KDM4C: variants seen among roughly 807,000 people sequenced by gnomAD.
KDM4C encodes the protein lysine-specific demethylase 4C.
In KDM4C, 81 loss-of-function variants were observed where a neutral mutation model predicts 129.3. The ratio of observed to expected loss-of-function variants is 0.63; its 90% CI spans 0.52 to 0.75. KDM4C has a LOEUF of 0.75. Among genes scored for constraint, KDM4C ranks in the 30% least tolerant of loss-of-function variants. The pLI, the probability that KDM4C is intolerant of heterozygous loss-of-function variation, is 0.00. For synonymous variants in KDM4C, 573 were observed against 456.1 expected, an observed-to-expected ratio of 1.26 and a Z score of -3.26; for missense variants, 1,457 against 1,304.0, an observed-to-expected ratio of 1.12 and a Z score of -1.81.
At chr9:7,148,570 C>T (rs906630833) in intron 19 of KDM4C, among the ~76,000 whole-genome samples, 10 of 152,350 alleles carry the variant, frequency 6.6e-5, no homozygotes, top group Admixed American at 2.6e-4. Flanking sequence ...GAGTGTATCA[C>T]TGCCTACAGC....
intron 19 of KDM4C, among the ~76,000 whole-genome samples, chr9:7,155,465 G>A (rs1018894085): frequency 2.6e-5 from 4 of 151,920 alleles, no homozygotes; most frequent in Non-Finnish European, 4.4e-5. Flanking sequence ...CCATCAACTC[G>A]TCATTTACAT....
rs184845075 is a variant in KDM4C, at chr9:6,921,044, G to A, written c.921+27812G>A. ...ATCGGCTTTTCTCCTTGCTTTCTGA[G>A]ATGGTACACATTTCTTGTTTCCGTC... On this transcript the variant is annotated intron_variant, in intron 8 of 21. Transcript: ENST00000381309. 1.2e-3 allele frequency among the ~76,000 whole-genome samples: 187 copies of A among 151,836 alleles called. 1 individual carries two copies. Among genetic ancestry groups the A allele is most frequent in the African/African-American group, 3.4e-3 (140 of 41,404 alleles).
intron 4 of KDM4C, among the ~76,000 whole-genome samples, chr9:6,825,361 A>C (rs1333109808): frequency 6.6e-6 from 1 of 152,204 alleles, no homozygotes; most frequent in African/African-American, 2.4e-5. Flanking sequence ...TGGTCCTCGG[A>C]AAACACCTTG....
intron 8 of KDM4C, among the ~76,000 whole-genome samples, chr9:6,908,948 G>T (rs1280355041): frequency 1.3e-5 from 2 of 152,080 alleles, no homozygotes; most frequent in Non-Finnish European, 2.9e-5. Context: ...TTTCTACGAG[G>T]TATTGATATT....
At position 6,835,263 on chromosome 9, in the gene KDM4C, C is replaced by T. The variant is rs1588595783; in HGVS notation, c.436-14244C>T. ...AGCTTTCCTTCCTGGGCATGGAATC[C>T]TGTGGCATCCATGAAACTACCTTGA... On this transcript the variant is annotated intron_variant, in intron 4 of 21. Transcript: ENST00000381309. The T allele has an allele frequency of 7.7e-6, 7 of 910,764 alleles. No individual in the cohort carries two copies. In the East Asian group the frequency reaches 1.2e-4, roughly 16 times the overall value. 56.4% of individuals were successfully genotyped at this position (910,764 alleles called of 1,614,324 possible).
At chr9:7,062,307 T>C (rs1831810429) in intron 17 of KDM4C, among the ~76,000 whole-genome samples, 1 of 152,066 alleles carries the variant, frequency 6.6e-6, no homozygotes, top group African/African-American at 2.4e-5. Context: ...GGATGCAGCT[T>C]TCTCAGTTTT....
rs1826180618 is a variant in KDM4C at position 7,028,530 on chromosome 9, A to T, written c.2259+12601A>T. ...CAGAAGGAAGGGATCTCTTTAATTGAGCTCTGCTGCCTGAAATTGAGGTCG... is the reference window on the plus strand; with the variant it reads ...CAGAAGGAAGGGATCTCTTTAATTGTGCTCTGCTGCCTGAAATTGAGGTCG... On this transcript the variant is annotated intron_variant, in intron 15 of 21. Coordinates refer to ENST00000381309, the MANE Select transcript of KDM4C (RefSeq NM_015061.6). Among the ~76,000 whole-genome samples the T allele has an allele frequency of 2.0e-5, 3 of 151,430 alleles. No individual in the cohort carries two copies. The South Asian group carries it at 6.2e-4, about 32-fold the overall frequency.
chr9:6,799,258 A>G (rs898395279), intron 2 of KDM4C, among the ~76,000 whole-genome samples: 1 of 152,148 alleles, frequency 6.6e-6, no homozygotes, highest in African/African-American at 2.4e-5. Context: ...ACGCCACTGC[A>G]CTCCAGCCTG....
At chr9:6,857,791 G>A (rs915280943) in intron 5 of KDM4C, among the ~76,000 whole-genome samples, 2 of 146,212 alleles carry the variant, frequency 1.4e-5, no homozygotes, top group African/African-American at 2.5e-5. Context: ...GTCTCGCTCT[G>A]TTGCTCAGAT....
chr9:6,771,080 CTTTTTTTTTTT>C (rs35945405), intron 1 of KDM4C, among the ~76,000 whole-genome samples: 41 of 56,972 alleles, frequency 7.2e-4, no homozygotes, highest in African/African-American at 1.4e-3. Context: ...GACTGTGAAT[CTTTTTTTTTTT>C]TTTTTTTTTT....
chr9:6,781,173 G>A (rs1007171727), intron 1 of KDM4C, among the ~76,000 whole-genome samples: 17 of 152,110 alleles, frequency 1.1e-4, no homozygotes, highest in African/African-American at 4.1e-4. Flanking sequence ...GCTTCTTTGG[G>A]GCAGGGGATT....
chr9:6,824,644 A>AC (rs1279275936), intron 4 of KDM4C, among the ~76,000 whole-genome samples: 2 of 151,834 alleles, frequency 1.3e-5, no homozygotes, highest in African/African-American at 4.8e-5. Context: ...GTCTCAAAAA[A>AC]AAAAAAAAAT....
intron 17 of KDM4C, among the ~76,000 whole-genome samples, chr9:7,102,580 C>T (rs887457179): frequency 6.6e-6 from 1 of 152,076 alleles, no homozygotes; most frequent in Admixed American, 6.6e-5. Context: ...GACTGAGGGA[C>T]AGAATCTAAA....
intron 4 of KDM4C, among the ~76,000 whole-genome samples, chr9:6,844,968 G>A (rs10975849): frequency 0.12 from 17,577 of 152,236 alleles, 1,132 homozygotes; most frequent in East Asian, 0.26. Context: ...GATTACAGGC[G>A]TGTGCCACTG....
upstream of KDM4C, among the ~76,000 whole-genome samples, chr9:6,754,422 A>C (rs1333260428): frequency 6.6e-6 from 1 of 152,046 alleles, no homozygotes; most frequent in Non-Finnish European, 1.5e-5. Context: ...CATGTTATCT[A>C]GGCTGGTCTT....
intron 4 of KDM4C, 135 bp downstream of exon 4, chr9:6,814,880 T>A: frequency 2.1e-6 from 1 of 467,022 alleles, no homozygotes; most frequent in Non-Finnish European, 3.8e-6. Context: ...ACAGGAAATA[T>A]TCATCAGTAG....
chr9:7,032,431 G>T (rs532508635), intron 15 of KDM4C, among the ~76,000 whole-genome samples: 121 of 152,282 alleles, frequency 7.9e-4, no homozygotes, highest in African/African-American at 2.9e-3. Context: ...AAATTACCAA[G>T]CATTTGTCTC....
At chr9:6,824,344 A>G (rs1368692661) in intron 4 of KDM4C, among the ~76,000 whole-genome samples, 1 of 152,166 alleles carries the variant, frequency 6.6e-6, no homozygotes, top group Non-Finnish European at 1.5e-5. Context: ...AGCTGTGAAA[A>G]ATATTGTGAT....
At chr9:6,775,202 A>G (rs1395000767) in intron 1 of KDM4C, among the ~76,000 whole-genome samples, 3 of 151,992 alleles carry the variant, frequency 2.0e-5, no homozygotes, top group African/African-American at 7.3e-5. Flanking sequence ...TTTTTAGTAG[A>G]GATGGGGTTT....
Sources: allele counts gnomAD v4.1 joint callset (sites outside exome capture counted in the v4.1 genomes callset), GRCh38; gene constraint gnomAD v4.1.1; transcripts MANE v1.5; gene names NCBI Gene and HGNC (gene_info 2026-07-23, HGNC 2026-07-21).